Variants in GYS2 observed in about 807,000 individuals in gnomAD.
GYS2 encodes the protein glycogen [starch] synthase, liver.
GYS2 carries 80 observed loss-of-function variants against 85.6 expected under a neutral mutation model. That is an observed-to-expected ratio of 0.93 (90% confidence interval 0.78 to 1.13). The LOEUF (loss-of-function observed/expected upper bound fraction) is 1.13, where lower values mean the gene tolerates loss of function less well. GYS2 is among the 50% of genes most tolerant of loss of function. GYS2 has a pLI of 0.00. For synonymous variants in GYS2, 328 were observed against 300.7 expected, an observed-to-expected ratio of 1.09 and a Z score of -0.94; for missense variants, 881 against 854.9, an observed-to-expected ratio of 1.03 and a Z score of -0.38.
chr12:21,563,462 C>G (rs1241608751), intron 5 of GYS2, 117 bp from the exon 6 acceptor site: 2 of 655,374 alleles, frequency 3.1e-6, no homozygotes, highest in African/African-American at 3.7e-5. Context: ...TACTTTCTGA[C>G]TACCATAAAA....
intron 1 of GYS2, among the ~76,000 whole-genome samples, chr12:21,600,015 C>T (rs1944737435): frequency 6.6e-6 from 1 of 152,050 alleles, no homozygotes; most frequent in Non-Finnish European, 1.5e-5. Context: ...TCAACATTAC[C>T]CAGGTGATGG....
intron 1 of GYS2, among the ~76,000 whole-genome samples, chr12:21,597,119 A>C (rs1944705430): frequency 6.6e-6 from 1 of 152,094 alleles, no homozygotes; most frequent in Non-Finnish European, 1.5e-5. Context: ...AGAAAACATA[A>C]GGGAGACACT....
Position 21,536,466 on chromosome 12 carries a change from G to A in GYS2, c.*488C>T, listed in dbSNP as rs1336983844. ...CTCTGCAAAACTACATCTAAATCAT[G>A]GTTCTGATGCATGTGAAAAATGAAA... On this transcript the variant is annotated 3_prime_UTR_variant, in exon 16 of 16. Transcript: ENST00000261195. 1 of 167,506 alleles carries A rather than the reference G, an allele frequency of 6.0e-6. No individual in the cohort carries two copies. Among genetic ancestry groups the A allele is most frequent in the Non-Finnish European group, 1.3e-5 (1 of 77,620 alleles). 10.4% of individuals were successfully genotyped at this position (167,506 alleles called of 1,614,324 possible).
intron 1 of GYS2, among the ~76,000 whole-genome samples, chr12:21,586,339 G>T (rs1944572610): frequency 6.6e-6 from 1 of 152,074 alleles, no homozygotes; most frequent in Non-Finnish European, 1.5e-5. Flanking sequence ...TTGCTCCTCT[G>T]CTTGCAGATG....
At chr12:21,546,752 C>A (rs1944045832) in intron 11 of GYS2, among the ~76,000 whole-genome samples, 1 of 152,196 alleles carries the variant, frequency 6.6e-6, no homozygotes, top group African/African-American at 2.4e-5. Context: ...TGCTCTCACA[C>A]TAAACTATAT....
chr12:21,583,702 G>A (rs1944539121), intron 1 of GYS2, among the ~76,000 whole-genome samples: 1 of 152,136 alleles, frequency 6.6e-6, no homozygotes, highest in Non-Finnish European at 1.5e-5. Context: ...GCCTGTTACT[G>A]GGCTTTGGTG....
chr12:21,572,126 A>G (rs1004382894), intron 4 of GYS2, among the ~76,000 whole-genome samples: 2 of 152,190 alleles, frequency 1.3e-5, no homozygotes, highest in Non-Finnish European at 2.9e-5. Flanking sequence ...ATTTGGAGAC[A>G]TATTCTCAGA....
intron 5 of GYS2, among the ~76,000 whole-genome samples, chr12:21,567,380 G>A (rs951116962): frequency 2.0e-5 from 3 of 152,040 alleles, no homozygotes; most frequent in African/African-American, 4.8e-5. Context: ...AGATCCAAGA[G>A]AGAAATGAGC....
intron 1 of GYS2, among the ~76,000 whole-genome samples, chr12:21,589,111 C>T (rs1565610989): frequency 6.6e-6 from 1 of 152,154 alleles, no homozygotes; most frequent in Non-Finnish European, 1.5e-5. Flanking sequence ...TCCTTGAAAA[C>T]TCCTTTTATT....
intron 11 of GYS2, among the ~76,000 whole-genome samples, chr12:21,557,509 A>G (rs1222461884): frequency 6.6e-6 from 1 of 152,242 alleles, no homozygotes; most frequent in African/African-American, 2.4e-5. Flanking sequence ...TATCCCCTTA[A>G]GTTGAACTTT....
chr12:21,544,578 C>G (rs1458902084), intron 12 of GYS2, among the ~76,000 whole-genome samples: 1 of 152,108 alleles, frequency 6.6e-6, no homozygotes, highest in African/African-American at 2.4e-5. Flanking sequence ...AGAACAAGGT[C>G]AAAAACAAAG....
chr12:21,536,778 G>T lies in GYS2; in HGVS notation c.*176C>A, dbSNP rs940718796. On this transcript the variant is annotated 3_prime_UTR_variant, in exon 16 of 16. Transcript: ENST00000261195. ...AACAAGAGTTGGGGAAAATAACTTG[G>T]ATCTTATCCTAAATTACAAAATTGT... 6 of 619,220 alleles carry T rather than the reference G, an allele frequency of 9.7e-6. No individual in the cohort carries two copies. The highest frequency in any genetic ancestry group is 2.9e-6 in the Non-Finnish European group (1 of 349,736). 38.4% of individuals were successfully genotyped at this position (619,220 alleles called of 1,614,324 possible).
intron 1 of GYS2, among the ~76,000 whole-genome samples, chr12:21,582,344 A>G (rs549820436): frequency 1.3e-5 from 2 of 152,186 alleles, no homozygotes; most frequent in Non-Finnish European, 2.9e-5. Flanking sequence ...TTGCCAGCAC[A>G]GCCAGGATAT....
chr12:21,558,799 T>C (rs1279826935), intron 10 of GYS2, among the ~76,000 whole-genome samples: 8 of 152,236 alleles, frequency 5.3e-5, no homozygotes. Context: ...TGGAAGTATT[T>C]AGGACTTTTT....
At chr12:21,564,952 T>C (rs1385239206) in intron 5 of GYS2, among the ~76,000 whole-genome samples, 1 of 152,114 alleles carries the variant, frequency 6.6e-6, no homozygotes, top group Non-Finnish European at 1.5e-5. Flanking sequence ...TTCCACCCTT[T>C]TGATGCAGTG....
chr12:21,558,568 T>A (rs1944211846), intron 10 of GYS2, among the ~76,000 whole-genome samples: 1 of 152,174 alleles, frequency 6.6e-6, no homozygotes, highest in Non-Finnish European at 1.5e-5. Flanking sequence ...GACTTCTTGA[T>A]TGCTTCCGGG....
At chr12:21,551,518 TAA>T (rs5796909) in intron 11 of GYS2, among the ~76,000 whole-genome samples, 1 of 149,010 alleles carries the variant, frequency 6.7e-6, no homozygotes, top group African/African-American at 2.5e-5. Context: ...AGGATTAAAG[TAA>T]AAAAAAAAGT....
downstream of GYS2, among the ~76,000 whole-genome samples, chr12:21,535,770 A>G (rs369695683): frequency 6.6e-6 from 1 of 152,332 alleles, no homozygotes. Context: ...TGATATGTCA[A>G]TAAAGGAACT....
chr12:21,587,715 T>C (rs1944590397), intron 1 of GYS2, among the ~76,000 whole-genome samples: 2 of 151,842 alleles, frequency 1.3e-5, no homozygotes, highest in East Asian at 1.9e-4. Context: ...TAAATATATA[T>C]AAATAAATTT....
Sources: allele counts gnomAD v4.1 joint callset (sites outside exome capture counted in the v4.1 genomes callset), GRCh38; gene constraint gnomAD v4.1.1; transcripts MANE v1.5; gene names NCBI Gene and HGNC (gene_info 2026-07-23, HGNC 2026-07-21).